Variants in ARSB observed in about 807,000 individuals in gnomAD.
ARSB encodes arylsulfatase B, also known as N-acetylgalactosamine-4-sulfatase.
Under a neutral mutation model 50.9 loss-of-function variants are expected in ARSB, and 41 were observed. The observed-to-expected ratio is 0.81, with a 90% CI of 0.63 to 1.04. The LOEUF is 1.04. Among genes scored for constraint, ARSB ranks in the 50% least tolerant of loss-of-function variants. The pLI is 0.00. For synonymous variants in ARSB, 269 were observed against 284.8 expected, an observed-to-expected ratio of 0.94 and a Z score of 0.56; for missense variants, 672 against 693.3, an observed-to-expected ratio of 0.97 and a Z score of 0.35.
rs1351981682 is a variant in ARSB at position 78,778,535 on chromosome 5, T to C, written c.*1862A>G. On this transcript the variant is annotated 3_prime_UTR_variant, in exon 8 of 8. Coordinates refer to ENST00000264914, the MANE Select transcript of ARSB (RefSeq NM_000046.5). ...TTTCTCCCCCCACTGGAGAGGACGCTACAACCTTGCTATAGAGTGTCCTGT... is the reference window on the plus strand; with the variant it reads ...TTTCTCCCCCCACTGGAGAGGACGCCACAACCTTGCTATAGAGTGTCCTGT... The C allele has an allele frequency of 6.6e-6, 1 of 152,224 alleles. No homozygotes were observed. The highest frequency in any genetic ancestry group is 1.5e-5 in the Non-Finnish European group (1 of 68,042). 9.4% of individuals were successfully genotyped at this position (152,224 alleles called of 1,614,324 possible).
At chr5:78,913,750 G>A (rs1396002331) in intron 4 of ARSB, among the ~76,000 whole-genome samples, 1 of 151,984 alleles carries the variant, frequency 6.6e-6, no homozygotes, top group African/African-American at 2.4e-5. Context: ...AAGTATAAAG[G>A]TACCCAAGAT....
rs185381115 is a variant in ARSB at position 78,982,293 on chromosome 5, G to A, written c.312+2644C>T. Reference sequence around the variant, plus strand: ...AGTCAAAAAATTCCTTCATTTTATTGTCTAAAATTATGCATAACAAATGAC... The same window carrying A: ...AGTCAAAAAATTCCTTCATTTTATTATCTAAAATTATGCATAACAAATGAC... On this transcript the variant is annotated intron_variant, in intron 1 of 7. Transcript: ENST00000264914. Among the ~76,000 whole-genome samples, 5 of 152,226 alleles carry A rather than the reference G, an allele frequency of 3.3e-5. No homozygotes were observed. The East Asian group carries it at 9.6e-4, about 29-fold the overall frequency.
Position 78,839,374 on chromosome 5 carries a change from A to G in ARSB, c.1195T>C (p.Phe399Leu), listed in dbSNP as rs762979755. 3.1e-6 allele frequency: 5 copies of G among 1,613,796 alleles called. No homozygotes were observed. The highest frequency in any genetic ancestry group is 1.3e-5 in the African/African-American group (1 of 74,900). The change falls in exon 6 of 8, where the codon TTC becomes CTC. Residue 399 changes from phenylalanine (F) to leucine (L), a missense_variant. Coordinates refer to ENST00000264914, the MANE Select transcript of ARSB (RefSeq NM_000046.5). ...IELLHNIDPN[F>L]VDSSPCPRNS... ...TACTCACACGGTGAAGAGTCCACGA[A>G]GTTCGGGTCAATATTATGCAGCAGC...
chr5:78,855,154 G>A lies in ARSB; in HGVS notation c.1143-15728C>T, dbSNP rs545877716. 6.6e-5 allele frequency among the ~76,000 whole-genome samples: 10 copies of A among 152,302 alleles called. 1 individual carries two copies. In the East Asian group the frequency reaches 1.9e-3, roughly 29 times the overall value. On this transcript the variant is annotated intron_variant, in intron 5 of 7. Transcript: ENST00000264914. Reference sequence around the variant, plus strand: ...CACTGCTCTGTTTCCCTGGGACACAGGATACCATGTCAGCACAGCCCTGGG... The same window carrying A: ...CACTGCTCTGTTTCCCTGGGACACAAGATACCATGTCAGCACAGCCCTGGG...
At chr5:78,909,493 T>G (rs1749208943) in intron 4 of ARSB, among the ~76,000 whole-genome samples, 1 of 152,184 alleles carries the variant, frequency 6.6e-6, no homozygotes, top group Non-Finnish European at 1.5e-5. Flanking sequence ...ATCTGTAACT[T>G]TGCCCCAACC....
chr5:78,955,021 A>G (rs1296823451), intron 4 of ARSB, among the ~76,000 whole-genome samples: 1 of 152,282 alleles, frequency 6.6e-6, no homozygotes, highest in Non-Finnish European at 1.5e-5. Context: ...GCAGCCCTGT[A>G]TATGAGTGAT....
intron 6 of ARSB, among the ~76,000 whole-genome samples, chr5:78,799,028 G>A (rs1743277991): frequency 5.9e-5 from 9 of 152,216 alleles, no homozygotes; most frequent in Admixed American, 5.9e-4. Context: ...CCGAAAGTAA[G>A]GACGTTTTAT....
chr5:78,871,916 A>C (rs554379952), intron 5 of ARSB, among the ~76,000 whole-genome samples: 7,343 of 149,982 alleles, frequency 0.049, 577 homozygotes, highest in African/African-American at 0.17. Flanking sequence ...CAACCTACTC[A>C]TCTGACAAAG....
At chr5:78,868,158 T>A (rs1310872732) in intron 5 of ARSB, among the ~76,000 whole-genome samples, 5 of 140,320 alleles carry the variant, frequency 3.6e-5, no homozygotes, top group Non-Finnish European at 7.7e-5. Flanking sequence ...AATATGGGAC[T>A]ATGTGAAAAG....
At chr5:78,974,816 G>T (rs1175201467) in intron 1 of ARSB, among the ~76,000 whole-genome samples, 2 of 152,184 alleles carry the variant, frequency 1.3e-5, no homozygotes, top group Non-Finnish European at 2.9e-5. Flanking sequence ...GATTTGGCTA[G>T]GCTTAGGAAG....
At chr5:78,899,877 T>C (rs1580021106) in intron 4 of ARSB, among the ~76,000 whole-genome samples, 1 of 152,194 alleles carries the variant, frequency 6.6e-6, no homozygotes, top group African/African-American at 2.4e-5. Flanking sequence ...TGTTGTTACT[T>C]GCGGGTATAT....
intron 6 of ARSB, among the ~76,000 whole-genome samples, chr5:78,830,931 C>T (rs1414173737): frequency 6.6e-6 from 1 of 152,150 alleles, no homozygotes; most frequent in African/African-American, 2.4e-5. Flanking sequence ...TATAAGAACC[C>T]AGCAGATTTC....
At chr5:78,832,671 G>C (rs1254305017) in intron 6 of ARSB, among the ~76,000 whole-genome samples, 1 of 152,106 alleles carries the variant, frequency 6.6e-6, no homozygotes, top group Non-Finnish European at 1.5e-5. Context: ...GAGAGGGTGG[G>C]AAGAAGGCTG....
At chr5:78,813,983 T>TACAACAGCAG (rs1265590931) in intron 6 of ARSB, among the ~76,000 whole-genome samples, 1 of 138,230 alleles carries the variant, frequency 7.2e-6, no homozygotes, top group African/African-American at 2.8e-5. Flanking sequence ...CCAAACAGTC[T>TACAACAGCAG]CCAATAAAAA....
chr5:78,897,187 A>T (rs921875027), intron 4 of ARSB, among the ~76,000 whole-genome samples: 3 of 152,212 alleles, frequency 2.0e-5, no homozygotes, highest in African/African-American at 4.8e-5. Flanking sequence ...AGTCTCAGAA[A>T]ATTGTAAACA....
intron 6 of ARSB, among the ~76,000 whole-genome samples, chr5:78,811,182 T>TC: frequency 6.6e-6 from 1 of 152,316 alleles, no homozygotes; most frequent in South Asian, 2.1e-4. Flanking sequence ...GAGGTTAGCC[T>TC]CCGTATACTA....
chr5:78,911,517 T>C (rs1311292150), intron 4 of ARSB, among the ~76,000 whole-genome samples: 1 of 130,748 alleles, frequency 7.6e-6, no homozygotes, highest in East Asian at 2.2e-4. Flanking sequence ...GAGGTTGCAG[T>C]GAGCTCAGAT....
chr5:78,841,751 A>AAATTT (rs766303731), intron 5 of ARSB, among the ~76,000 whole-genome samples: 34 of 152,304 alleles, frequency 2.2e-4, no homozygotes, highest in Non-Finnish European at 4.6e-4. Flanking sequence ...TAAAATAAGT[A>AAATTT]AATTTAATAC....
intron 5 of ARSB, among the ~76,000 whole-genome samples, chr5:78,851,585 G>C (rs1432637220): frequency 6.6e-6 from 1 of 152,134 alleles, no homozygotes; most frequent in East Asian, 1.9e-4. Flanking sequence ...TCCGCTTGGT[G>C]CAGAGCTGAG....
Sources: gnomAD v4.1 joint callset for allele counts (sites outside exome capture counted in the v4.1 genomes callset) on GRCh38, gnomAD v4.1.1 for gene constraint, MANE v1.5 for transcripts, NCBI Gene and HGNC (gene_info 2026-07-23, HGNC 2026-07-21) for gene names.